The following PCDH11X variants were observed in gnomAD, a reference collection of about 807,000 sequenced individuals.
The protein encoded by PCDH11X is protocadherin-11 X-linked.
In PCDH11X, 18 loss-of-function variants were observed where a neutral mutation model predicts 53.3. The ratio of observed to expected loss-of-function variants is 0.34; its 90% CI spans 0.23 to 0.50. The LOEUF is 0.50. PCDH11X is among the 20% of genes least tolerant of loss of function. The pLI is 0.98. For missense variants in PCDH11X, 570 were observed against 1,032.4 expected (o/e 0.55, Z 6.14); for synonymous variants, 279 against 393.3 (o/e 0.71, Z 3.44).
At chrX:92,354,740 G>T (rs2070149267) in intron 8 of PCDH11X, among the ~76,000 whole-genome samples, 1 of 111,102 alleles carries the variant, frequency 9.0e-6, no homozygotes, top group Non-Finnish European at 1.9e-5. Flanking sequence ...ATACAGTCAA[G>T]GAGAAAATGA....
intron 4 of PCDH11X, among the ~76,000 whole-genome samples, chrX:91,833,067 A>G (rs1569402182): frequency 2.0e-5 from 2 of 99,920 alleles, no homozygotes; most frequent in African/African-American, 7.4e-5. Flanking sequence ...AGTTCTCATC[A>G]TTTAGCTCCC....
chrX:92,163,521 C>T (rs1418945485), intron 6 of PCDH11X, among the ~76,000 whole-genome samples: 4 of 110,951 alleles, frequency 3.6e-5, no homozygotes, highest in Non-Finnish European at 7.5e-5. Flanking sequence ...TCCACTGCTT[C>T]CTCTACCCCT....
chrX:92,256,547 T>C (rs1348577450), intron 7 of PCDH11X, among the ~76,000 whole-genome samples: 1 of 111,791 alleles, frequency 8.9e-6, no homozygotes, highest in African/African-American at 3.3e-5. Context: ...TTTCTTTCCT[T>C]TTTTTCCCCA....
intron 7 of PCDH11X, among the ~76,000 whole-genome samples, chrX:92,253,603 C>T (rs2067502929): frequency 9.0e-6 from 1 of 111,567 alleles, no homozygotes; most frequent in African/African-American, 3.3e-5. Context: ...TTGGTGTCCT[C>T]TTCAATTTCT....
chrX:92,500,436 G>A (rs1239498868), intron 10 of PCDH11X, among the ~76,000 whole-genome samples: 2 of 110,432 alleles, frequency 1.8e-5, no homozygotes, highest in African/African-American at 6.6e-5. Flanking sequence ...AGGAAACACA[G>A]CAAAACCCTT....
chrX:92,270,296 G>A (rs1395043182), intron 8 of PCDH11X, among the ~76,000 whole-genome samples: 2 of 109,152 alleles, frequency 1.8e-5, no homozygotes, highest in Non-Finnish European at 3.8e-5. Context: ...TTTTGTGTGT[G>A]TGTTTTTAGT....
chrX:91,819,209 A>G (rs1483221732), intron 4 of PCDH11X, among the ~76,000 whole-genome samples: 1 of 109,406 alleles, frequency 9.1e-6, no homozygotes, highest in East Asian at 2.8e-4. Context: ...ATGAAGGCTA[A>G]TGATAAATCA....
intron 4 of PCDH11X, among the ~76,000 whole-genome samples, chrX:91,823,406 T>A (rs747409570): frequency 9.0e-6 from 1 of 111,392 alleles, no homozygotes; most frequent in Non-Finnish European, 1.9e-5. Context: ...TCTTGTTGAA[T>A]TGATCCCTTT....
At chrX:92,071,747 T>A (rs950254014) in intron 6 of PCDH11X, among the ~76,000 whole-genome samples, 10 of 111,464 alleles carry the variant, frequency 9.0e-5, no homozygotes, top group African/African-American at 2.9e-4. Flanking sequence ...GAGAGTATGC[T>A]CTTTTCTCTT....
intron 6 of PCDH11X, among the ~76,000 whole-genome samples, chrX:91,893,347 AT>A (rs58312535): frequency 0.025 from 2,257 of 88,635 alleles, 42 homozygotes; most frequent in African/African-American, 0.064. Context: ...AGAGAACCGC[AT>A]TTTTTTTTTT....
At chrX:92,077,193 C>T (rs2063785661) in intron 6 of PCDH11X, among the ~76,000 whole-genome samples, 1 of 110,827 alleles carries the variant, frequency 9.0e-6, no homozygotes, top group Non-Finnish European at 1.9e-5. Context: ...AAGAGGTAAG[C>T]CAGCCCCACA....
chrX:91,796,629 A>G (rs1459554774), intron 1 of PCDH11X, among the ~76,000 whole-genome samples: 1 of 111,706 alleles, frequency 9.0e-6, no homozygotes, highest in Non-Finnish European at 1.9e-5. Context: ...ACAAGTTCAC[A>G]ATAACTGAAA....
At position 92,162,693 on chromosome X, in the gene PCDH11X, G is replaced by A. The variant is rs781426822; in HGVS notation, c.3034-38682G>A. The stretch of plus-strand genomic sequence containing the variant: ...AAGTCCTGTGATGTGAAGTGTCTTC[G>A]GTATCCTCAGCTGTGGATACCATCA... On this transcript the variant is annotated intron_variant, in intron 6 of 10. Coordinates refer to ENST00000682573, the MANE Select transcript of PCDH11X (RefSeq NM_032968.5). Among the ~76,000 whole-genome samples the A allele has an allele frequency of 1.5e-3, 153 of 101,821 alleles. 1 individual carries two copies. The highest frequency in any genetic ancestry group is 4.4e-3 in the African/African-American group (123 of 27,709). 88.4% of individuals were successfully genotyped at this position (101,821 alleles called of 115,157 possible). A position where few individuals can be genotyped will look rare whatever the true frequency, so the allele number is the denominator to read the frequency against.
chrX:92,547,427 A>G (rs1452671349), intron 10 of PCDH11X, among the ~76,000 whole-genome samples: 2 of 109,249 alleles, frequency 1.8e-5, no homozygotes, highest in African/African-American at 6.7e-5. Flanking sequence ...TGCAGATTCT[A>G]CTTCTCACCT....
intron 8 of PCDH11X, among the ~76,000 whole-genome samples, chrX:92,355,932 C>A (rs775936813): frequency 0.01 from 1,140 of 110,104 alleles, 23 homozygotes; most frequent in African/African-American, 0.035. Flanking sequence ...AAAAAAAAAA[C>A]CACTTTAAAT....
chrX:91,895,876 CAT>C (rs1302303879), intron 6 of PCDH11X, among the ~76,000 whole-genome samples: 4 of 104,209 alleles, frequency 3.8e-5, no homozygotes, highest in Admixed American at 1.1e-4. Context: ...TATACATATA[CAT>C]ATGTTATGTA....
At chrX:91,986,593 G>C (rs1028966039) in intron 6 of PCDH11X, among the ~76,000 whole-genome samples, 3 of 110,341 alleles carry the variant, frequency 2.7e-5, no homozygotes, top group African/African-American at 9.9e-5. Flanking sequence ...GCCTTTAAGG[G>C]AGAAGCCATT....
At chrX:92,130,481 C>T (rs188614550) in intron 6 of PCDH11X, among the ~76,000 whole-genome samples, 2,080 of 109,668 alleles carry the variant, frequency 0.019, 33 homozygotes, top group South Asian at 0.049. Flanking sequence ...GAAACCCCAT[C>T]TCTACTAAAA....
rs768371242 is a variant in PCDH11X at position 92,495,525 on chromosome X, C to T, written c.3367+27203C>T. Reference sequence around the variant, plus strand: ...AAGATAAATTTATTATGTATTTTAACGAGTTTATTGAGAAATAACTGACAA... The same window carrying T: ...AAGATAAATTTATTATGTATTTTAATGAGTTTATTGAGAAATAACTGACAA... On this transcript the variant is annotated intron_variant, in intron 10 of 10. Coordinates refer to ENST00000682573, the MANE Select transcript of PCDH11X (RefSeq NM_032968.5). Among the ~76,000 whole-genome samples, 4 of 109,681 alleles carry T rather than the reference C, an allele frequency of 3.6e-5. No homozygotes were observed. The East Asian group carries it at 1.2e-3, about 32-fold the overall frequency.
Sources: allele counts gnomAD v4.1 joint callset (sites outside exome capture counted in the v4.1 genomes callset), GRCh38; gene constraint gnomAD v4.1.1; transcripts MANE v1.5; gene names NCBI Gene and HGNC (gene_info 2026-07-23, HGNC 2026-07-21).